The following IMPG2 variants were observed in gnomAD, a reference collection of about 807,000 sequenced individuals.
IMPG2 encodes IPM 200.
In IMPG2, 91 loss-of-function variants were observed where a neutral mutation model predicts 129.2. That is an observed-to-expected ratio of 0.70 (90% confidence interval 0.59 to 0.84). The LOEUF (loss-of-function observed/expected upper bound fraction) is 0.84, where lower values mean the gene tolerates loss of function less well. Ranked by LOEUF, IMPG2 falls within the 40% of genes least tolerant of loss-of-function variation. The pLI is 0.00. For missense variants in IMPG2, 1,430 were observed against 1,461.7 expected (o/e 0.98, Z 0.35); for synonymous variants, 510 against 517.7 (o/e 0.99, Z 0.20).
intron 3 of IMPG2, among the ~76,000 whole-genome samples, chr3:101,303,355 A>T (rs1707157365): frequency 2.0e-5 from 3 of 152,200 alleles, no homozygotes; most frequent in Non-Finnish European, 4.4e-5. Context: ...ATAAAATATA[A>T]ACAGTACAGT....
intron 9 of IMPG2, among the ~76,000 whole-genome samples, chr3:101,263,416 T>C (rs911436782): frequency 7.9e-5 from 12 of 151,964 alleles, no homozygotes; most frequent in Non-Finnish European, 1.3e-4. Flanking sequence ...TTTAAAACTA[T>C]ACCAATAAAG....
chr3:101,313,867 A>T (rs2058769212), intron 2 of IMPG2, among the ~76,000 whole-genome samples: 2 of 152,116 alleles, frequency 1.3e-5, no homozygotes, highest in South Asian at 4.1e-4. Context: ...AGCTACTAGA[A>T]CTGGTAAGTG....
At position 101,225,857 on chromosome 3, in the gene IMPG2, A is replaced by G. The variant is rs1300592906; in HGVS notation, c.*1112T>C. On this transcript the variant is annotated 3_prime_UTR_variant, in exon 19 of 19. Transcript: ENST00000193391. ...ATTTCCATTTTCTGTCAAAATTTAT[A>G]TAAGGTATGGACTTCCTATCTGTTC... The G allele has an allele frequency of 6.6e-6, 1 of 152,368 alleles. No individual in the cohort carries two copies. Among genetic ancestry groups the G allele is most frequent in the Non-Finnish European group, 1.5e-5 (1 of 68,184 alleles). The allele number at this position is 152,368 out of a possible 1,614,324, so 9.4% of individuals were successfully genotyped here.
intron 14 of IMPG2, among the ~76,000 whole-genome samples, chr3:101,237,990 A>G (rs1706366306): frequency 6.6e-6 from 1 of 152,118 alleles, no homozygotes; most frequent in Non-Finnish European, 1.5e-5. Flanking sequence ...GGTTAGACGA[A>G]TCGCTAACTA....
intron 2 of IMPG2, among the ~76,000 whole-genome samples, chr3:101,312,807 T>C (rs1257237397): frequency 1.3e-5 from 2 of 152,128 alleles, no homozygotes; most frequent in African/African-American, 4.8e-5. Flanking sequence ...GAAAATAATA[T>C]GCAAAGTGAA....
intron 17 of IMPG2, 66 bp from the exon 18 acceptor site, chr3:101,228,942 G>A (rs1168786518): frequency 2.6e-6 from 3 of 1,159,562 alleles, no homozygotes; most frequent in African/African-American, 3.0e-5. Flanking sequence ...CTTTTAAAAG[G>A]GGTTCTAATT....
rs1483589578 is a variant in IMPG2 at position 101,245,703 on chromosome 3, T to C, written c.1543+99A>G. Reference sequence around the variant, plus strand: ...ACCAAGACATTTTCCCCCTAATGAATGCTACCATGTTTTTTTCATAGCCAT... The same window carrying C: ...ACCAAGACATTTTCCCCCTAATGAACGCTACCATGTTTTTTTCATAGCCAT... On this transcript the variant is annotated intron_variant, in intron 12 of 18. Coordinates refer to ENST00000193391, the MANE Select transcript of IMPG2 (RefSeq NM_016247.4). The C allele has an allele frequency of 1.1e-5, 12 of 1,095,458 alleles. No individual in the cohort carries two copies. The East Asian group carries it at 2.8e-4, about 26-fold the overall frequency. The allele number at this position is 1,095,458 out of a possible 1,614,324, so 67.9% of individuals were successfully genotyped here.
chr3:101,309,898 G>T (rs544337770), intron 2 of IMPG2, among the ~76,000 whole-genome samples: 1 of 152,164 alleles, frequency 6.6e-6, no homozygotes, highest in Admixed American at 6.5e-5. Context: ...AATCTCAATG[G>T]GCTGAGTGAA....
intron 14 of IMPG2, among the ~76,000 whole-genome samples, chr3:101,234,868 G>A (rs1229120768): frequency 6.6e-6 from 1 of 152,098 alleles, no homozygotes; most frequent in Non-Finnish European, 1.5e-5. Flanking sequence ...TTAATCTGAA[G>A]GCCTTTAACT....
At chr3:101,273,443 G>T in intron 7 of IMPG2, 138 bp downstream of exon 7, 1 of 825,514 alleles carries the variant, frequency 1.2e-6, no homozygotes, top group Non-Finnish European at 1.9e-6. Context: ...GTTTTCTGAA[G>T]AAATGGCTAA....
At position 101,243,840 on chromosome 3, in the gene IMPG2, C is replaced by T. The variant is rs779802788; in HGVS notation, c.2491G>A (p.Val831Ile). ...GAAATATCCTGTACACCCATAATTA[C>T]TTCATCCTCTAGCAGGGTGGAGATT... is the stretch of plus-strand genomic sequence containing the variant. ...TTISTLLEDE[V>I]IMGVQDISLE... The change falls in exon 13 of 19, where the codon GTA becomes ATA. Residue 831 changes from valine to isoleucine, a missense_variant. By Grantham distance (29) the Val-to-Ile change is conservative (BLOSUM62 3). Coordinates refer to ENST00000193391, the MANE Select transcript of IMPG2 (RefSeq NM_016247.4). 1.2e-6 allele frequency: 2 copies of T among 1,614,172 alleles called. No homozygotes were observed. Among genetic ancestry groups the T allele is most frequent in the Admixed American group, 1.7e-5 (1 of 60,016 alleles).
At chr3:101,233,597 C>A (rs145125311) in intron 14 of IMPG2, among the ~76,000 whole-genome samples, 1 of 152,072 alleles carries the variant, frequency 6.6e-6, no homozygotes, top group Non-Finnish European at 1.5e-5. Context: ...AATATTTTTG[C>A]CTTCATAACT....
chr3:101,310,559 CAAAAAAAA>C (rs199570786), intron 2 of IMPG2, among the ~76,000 whole-genome samples: 1 of 126,504 alleles, frequency 7.9e-6, no homozygotes, highest in African/African-American at 3.4e-5. Context: ...GACCCTGTCT[CAAAAAAAA>C]AAAAAAAAAA....
chr3:101,267,094 C>T (rs567223222), intron 9 of IMPG2, among the ~76,000 whole-genome samples: 50 of 152,126 alleles, frequency 3.3e-4, no homozygotes, highest in African/African-American at 1.2e-3. Context: ...ATTAAACAGC[C>T]TGTGAGCTAA....
At chr3:101,239,132 A>G (rs1181001313) in intron 14 of IMPG2, among the ~76,000 whole-genome samples, 1 of 152,242 alleles carries the variant, frequency 6.6e-6, no homozygotes, top group African/African-American at 2.4e-5. Flanking sequence ...AGAAACTATC[A>G]TCAGAGTGAA....
chr3:101,266,091 T>C (rs149858031), intron 9 of IMPG2, among the ~76,000 whole-genome samples: 153 of 152,284 alleles, frequency 1.0e-3, no homozygotes, highest in Non-Finnish European at 2.0e-3. Context: ...GACTCTTACA[T>C]ACTTCTGGTG....
chr3:101,252,144 C>T (rs1706551472), intron 11 of IMPG2, among the ~76,000 whole-genome samples: 1 of 152,198 alleles, frequency 6.6e-6, no homozygotes, highest in South Asian at 2.1e-4. Flanking sequence ...GCTCCAGCCA[C>T]TTTCTGCCAC....
At chr3:101,297,508 T>A (rs943664056) in intron 3 of IMPG2, among the ~76,000 whole-genome samples, 3 of 152,246 alleles carry the variant, frequency 2.0e-5, no homozygotes, top group African/African-American at 7.2e-5. Flanking sequence ...CAATTTTAGA[T>A]CTTTCCTGCT....
intron 7 of IMPG2, 45 bp downstream of exon 7, chr3:101,273,536 C>A: frequency 6.3e-7 from 1 of 1,592,148 alleles, no homozygotes; most frequent in Non-Finnish European, 8.6e-7. Flanking sequence ...AGGAAACTAA[C>A]ATAGCAGGCA....
Sources: gnomAD v4.1 joint callset for allele counts (sites outside exome capture counted in the v4.1 genomes callset) on GRCh38, gnomAD v4.1.1 for gene constraint, MANE v1.5 for transcripts, NCBI Gene and HGNC (gene_info 2026-07-23, HGNC 2026-07-21) for gene names.